Variants in RASAL2 observed in about 807,000 individuals in gnomAD.
The protein encoded by RASAL2 is RAS protein activator like 2.
RASAL2 carries 58 observed loss-of-function variants against 128.9 expected under a neutral mutation model. That is an observed-to-expected ratio of 0.45 (90% CI 0.36 to 0.56). RASAL2 has a LOEUF of 0.56. RASAL2 is among the 20% of genes least tolerant of loss of function. RASAL2 has a pLI of 0.00. For synonymous variants in RASAL2, 561 were observed against 580.8 expected, an observed-to-expected ratio of 0.97 and a Z score of 0.49; for missense variants, 1,360 against 1,601.6, an observed-to-expected ratio of 0.85 and a Z score of 2.57.
chr1:178,341,498 A>G, intron 3 of RASAL2: 1 of 1,586,170 alleles, frequency 6.3e-7, no homozygotes, highest in South Asian at 1.2e-5. Flanking sequence ...GGGAGAGAGC[A>G]GGAAAGCGAG....
intron 1 of RASAL2, among the ~76,000 whole-genome samples, chr1:178,161,763 CA>C (rs891651579): frequency 2.6e-5 from 4 of 151,850 alleles, no homozygotes; most frequent in African/African-American, 7.3e-5. Context: ...CACTTCTTAT[CA>C]TTTTTTTTTT....
intron 1 of RASAL2, among the ~76,000 whole-genome samples, chr1:178,199,216 C>G (rs1226542204): frequency 6.6e-6 from 1 of 152,218 alleles, no homozygotes; most frequent in East Asian, 1.9e-4. Flanking sequence ...GTCAAGGCTT[C>G]CCTTGGCTAG....
At chr1:178,237,385 A>G (rs1664300310) in intron 1 of RASAL2, among the ~76,000 whole-genome samples, 1 of 152,146 alleles carries the variant, frequency 6.6e-6, no homozygotes, top group Non-Finnish European at 1.5e-5. Flanking sequence ...TTTGGAAGCC[A>G]TCAGCCCATG....
chr1:178,285,190 G>A lies in RASAL2; in HGVS notation c.330+1499G>A, dbSNP rs189272256. ...CTGTGGACTGCAGTGGCACAATCTC[G>A]GCTCACTGCAAGCTCCGCTTCCCGG... On this transcript the variant is annotated intron_variant, in intron 2 of 17. Transcript: ENST00000367649. Among the ~76,000 whole-genome samples the A allele has an allele frequency of 1.0e-3, 141 of 136,322 alleles. 1 individual carries two copies. Among genetic ancestry groups the A allele is most frequent in the African/African-American group, 3.7e-3 (135 of 36,238 alleles). The allele number at this position is 136,322 out of a possible 152,430, so 89.4% of individuals were successfully genotyped here.
intron 3 of RASAL2, among the ~76,000 whole-genome samples, chr1:178,388,337 T>G (rs1672703060): frequency 6.6e-6 from 1 of 152,334 alleles, no homozygotes; most frequent in African/African-American, 2.4e-5. Context: ...TTCAGTGCTT[T>G]GTGCCATTCC....
rs556560986 is a variant in RASAL2, at chr1:178,416,186, G to A, written c.565-4325G>A. Among the ~76,000 whole-genome samples the A allele has an allele frequency of 2.6e-5, 4 of 152,094 alleles. No individual in the cohort carries two copies. In the East Asian group the frequency reaches 5.8e-4, roughly 22 times the overall value. ...GTGATTGTAATTGAATGACTTATAT[G>A]ATTCCATTTTCTCTCCTTTCTTAGC... On this transcript the variant is annotated intron_variant, in intron 4 of 17. Coordinates refer to ENST00000367649, the MANE Select transcript of RASAL2 (RefSeq NM_170692.4).
chr1:178,281,618 G>A (rs796497458), intron 1 of RASAL2, among the ~76,000 whole-genome samples: 16 of 152,220 alleles, frequency 1.1e-4, no homozygotes, highest in African/African-American at 3.9e-4. Flanking sequence ...CTTACAGTAC[G>A]CAGTTTAGGT....
At chr1:178,099,022 T>C (rs1175098646) in intron 1 of RASAL2, among the ~76,000 whole-genome samples, 1 of 152,218 alleles carries the variant, frequency 6.6e-6, no homozygotes, top group Non-Finnish European at 1.5e-5. Flanking sequence ...TATTATATGA[T>C]ACTGCTTACG....
intron 3 of RASAL2, among the ~76,000 whole-genome samples, chr1:178,363,032 G>A (rs1005675013): frequency 1.3e-5 from 2 of 151,996 alleles, no homozygotes; most frequent in East Asian, 3.8e-4. Flanking sequence ...CAGAAGAGGC[G>A]GGATTGCAGG....
At chr1:178,470,832 C>A (rs1442660657) in intron 17 of RASAL2, 2 of 919,732 alleles carry the variant, frequency 2.2e-6, no homozygotes, top group East Asian at 1.2e-4. Context: ...GGGAATCCTT[C>A]CTGTCAGGTG....
At chr1:178,150,601 A>G (rs149937542) in intron 1 of RASAL2, among the ~76,000 whole-genome samples, 3 of 152,324 alleles carry the variant, frequency 2.0e-5, no homozygotes, top group Non-Finnish European at 4.4e-5. Flanking sequence ...AAGTATTTCA[A>G]TATAAAAATA....
chr1:178,370,085 A>C (rs1671616304), intron 3 of RASAL2, among the ~76,000 whole-genome samples: 2 of 152,230 alleles, frequency 1.3e-5, no homozygotes, highest in South Asian at 4.1e-4. Flanking sequence ...AAAATCTTTG[A>C]GCTTCTACTG....
intron 1 of RASAL2, among the ~76,000 whole-genome samples, chr1:178,124,984 T>C (rs1366293664): frequency 1.3e-5 from 2 of 152,346 alleles, no homozygotes; most frequent in East Asian, 3.9e-4. Flanking sequence ...AAAACTTGAG[T>C]TTGAAAATGT....
chr1:178,471,239 C>T (rs1299818883), intron 17 of RASAL2, among the ~76,000 whole-genome samples: 1 of 152,062 alleles, frequency 6.6e-6, no homozygotes, highest in Non-Finnish European at 1.5e-5. Context: ...TTATCAGTTA[C>T]TCAGTTTAGA....
chr1:178,323,223 A>C (rs1175556643), intron 3 of RASAL2, among the ~76,000 whole-genome samples: 1 of 152,190 alleles, frequency 6.6e-6, no homozygotes, highest in Non-Finnish European at 1.5e-5. Flanking sequence ...GGAACCTCTT[A>C]GATGGCAAGA....
rs542119979 is a variant in RASAL2 at position 178,300,248 on chromosome 1, G to A, written c.457+130G>A. The A allele has an allele frequency of 6.7e-5, 71 of 1,056,860 alleles. No individual in the cohort carries two copies. The South Asian group carries it at 9.9e-4, about 15-fold the overall frequency. The allele number at this position is 1,056,860 out of a possible 1,614,324, so 65.5% of individuals were successfully genotyped here. On this transcript the variant is annotated intron_variant, in intron 3 of 17. Coordinates refer to ENST00000367649, the MANE Select transcript of RASAL2 (RefSeq NM_170692.4). ...CTTTGAAATCAATGGCACGTTAAGC[G>A]AGAGTTAGAGGTCATTAGAGAGTTC...
chr1:178,115,174 G>A (rs1266449649), intron 1 of RASAL2, among the ~76,000 whole-genome samples: 2 of 152,052 alleles, frequency 1.3e-5, no homozygotes, highest in Non-Finnish European at 2.9e-5. Context: ...ATAGATATAG[G>A]GCTATTTAGA....
At chr1:178,136,189 G>T (rs188586225) in intron 1 of RASAL2, among the ~76,000 whole-genome samples, 1 of 152,106 alleles carries the variant, frequency 6.6e-6, no homozygotes, top group African/African-American at 2.4e-5. Context: ...CTGTCCTTTT[G>T]TAGCTCTGTA....
chr1:178,322,064 C>G (rs1471168360), intron 3 of RASAL2, among the ~76,000 whole-genome samples: 1 of 151,890 alleles, frequency 6.6e-6, no homozygotes. Context: ...AACTCCTCAC[C>G]TCAAGTGATA....
Sources: gnomAD v4.1 joint callset for allele counts (sites outside exome capture counted in the v4.1 genomes callset) on GRCh38, gnomAD v4.1.1 for gene constraint, MANE v1.5 for transcripts, NCBI Gene and HGNC (gene_info 2026-07-23, HGNC 2026-07-21) for gene names.